Variants in ZDHHC11 observed in about 807,000 individuals in gnomAD.
ZDHHC11 encodes the protein zDHHC palmitoyltransferase 11.
In ZDHHC11, 44 loss-of-function variants were observed where a neutral mutation model predicts 51.3. The observed-to-expected ratio is 0.86, with a 90% CI of 0.67 to 1.10. The LOEUF is 1.10. Ranked by LOEUF, ZDHHC11 falls within the 50% of genes least tolerant of loss-of-function variation. The probability of loss-of-function intolerance (pLI) is 0.00; values close to 1 mark genes in which losing one functional copy is unlikely to be tolerated. For synonymous variants in ZDHHC11, 163 were observed against 222.0 expected (o/e 0.73, Z 2.36); for missense variants, 400 against 537.7 (o/e 0.74, Z 2.53).
At chr5:813,717 G>C (rs1184218415) in intron 11 of ZDHHC11, among the ~76,000 whole-genome samples, 1 of 149,054 alleles carries the variant, frequency 6.7e-6, no homozygotes, top group African/African-American at 2.5e-5. Context: ...CAGAGAGCAC[G>C]GGGCTGTTCT....
chr5:859,951 T>C (rs1175665924), upstream of ZDHHC11, among the ~76,000 whole-genome samples: 1 of 152,096 alleles, frequency 6.6e-6, no homozygotes. Flanking sequence ...GGATGCACCC[T>C]TTCTGTTAGC....
chr5:805,445 A>G (rs1295081162), intron 11 of ZDHHC11, among the ~76,000 whole-genome samples: 28 of 150,934 alleles, frequency 1.9e-4, no homozygotes, highest in South Asian at 8.4e-4. Flanking sequence ...AAAAATCTAC[A>G]TTGGTATTCA....
chr5:833,390 G>A (rs1743319644), intron 7 of ZDHHC11, among the ~76,000 whole-genome samples: 1 of 151,406 alleles, frequency 6.6e-6, no homozygotes, highest in Non-Finnish European at 1.5e-5. Context: ...ACTCAGGAAT[G>A]GGTTGGACTC....
intron 11 of ZDHHC11, among the ~76,000 whole-genome samples, chr5:806,980 A>C (rs888809909): frequency 3.3e-4 from 50 of 151,170 alleles, no homozygotes; most frequent in Non-Finnish European, 5.9e-4. Flanking sequence ...CACCACTAGG[A>C]ATAGCCCCGG....
intron 11 of ZDHHC11, among the ~76,000 whole-genome samples, chr5:806,518 C>T (rs1487440274): frequency 6.6e-6 from 1 of 150,908 alleles, no homozygotes; most frequent in Admixed American, 6.6e-5. Context: ...ATTACTTATA[C>T]AATATGTATA....
chr5:858,878 A>G (rs1485429500), exon 1 of ZDHHC11, among the ~76,000 whole-genome samples: 2 of 152,068 alleles, frequency 1.3e-5, no homozygotes, highest in African/African-American at 4.8e-5. Context: ...CCTTACCGCC[A>G]GAACCCACAG....
chr5:849,738 CAGG>C (rs1018194166), intron 1 of ZDHHC11: 30 of 152,820 alleles, frequency 2.0e-4, no homozygotes, highest in African/African-American at 6.7e-4. Context: ...CCCCTGGAGC[CAGG>C]AGAAGCTGGG....
Position 850,310 on chromosome 5 carries a change from C to T in ZDHHC11, c.222+71G>A. 2.0e-6 allele frequency: 3 copies of T among 1,531,394 alleles called. No individual in the cohort carries two copies. The South Asian group carries it at 3.7e-5, about 19-fold the overall frequency. The allele number at this position is 1,531,394 out of a possible 1,614,324, so 94.9% of individuals were successfully genotyped here. A position where few individuals can be genotyped will look rare whatever the true frequency, so the allele number is the denominator to read the frequency against. On this transcript the variant is annotated intron_variant, in intron 1 of 12. Coordinates refer to ENST00000283441, the MANE Select transcript of ZDHHC11 (RefSeq NM_024786.3). ...CACCGGGCAGCCATGGCCCAGACCC[C>T]ACAGCCAGGTCCATCGCAAGTTCCT...
At chr5:851,558 G>A (rs973587435), upstream of ZDHHC11, among the ~76,000 whole-genome samples, 11 of 152,248 alleles carry the variant, frequency 7.2e-5, no homozygotes, top group African/African-American at 2.7e-4. Context: ...TCTTTGAGAA[G>A]AGAGACATTG....
chr5:798,756 C>T (rs1195914653), intron 12 of ZDHHC11, among the ~76,000 whole-genome samples: 7 of 146,356 alleles, frequency 4.8e-5, no homozygotes, highest in Non-Finnish European at 3.0e-5. Flanking sequence ...GTTATCACAG[C>T]GAACATTTGC....
intron 4 of ZDHHC11, chr5:841,976 C>G (rs1422559224): frequency 1.0e-6 from 1 of 989,072 alleles, no homozygotes; most frequent in Non-Finnish European, 1.2e-6. Flanking sequence ...GTGCCTGGGC[C>G]GGGCTGGACC....
At chr5:852,278 C>T (rs930431925), upstream of ZDHHC11, among the ~76,000 whole-genome samples, 10 of 152,214 alleles carry the variant, frequency 6.6e-5, no homozygotes, top group East Asian at 1.9e-3. Flanking sequence ...AGGGGAATCG[C>T]TCAGCGGCCT....
At position 849,118 on chromosome 5, in the gene ZDHHC11, A is replaced by G. The variant is rs141823542; in HGVS notation, c.223-458T>C. The stretch of plus-strand genomic sequence containing the variant: ...AGATGAGTCCACCCGTCGGCCCTGC[A>G]CACACAGCCCTGCTTACCCAGGCCT... On this transcript the variant is annotated intron_variant, in intron 1 of 12. Transcript: ENST00000283441. Among the ~76,000 whole-genome samples, 829 of 151,970 alleles carry G rather than the reference A, an allele frequency of 5.5e-3. 7 individuals carry two copies. Among genetic ancestry groups the G allele is most frequent in the African/African-American group, 0.019 (803 of 41,422 alleles).
intron 6 of ZDHHC11, among the ~76,000 whole-genome samples, chr5:837,001 G>C (rs1743954327): frequency 6.6e-6 from 1 of 151,506 alleles, no homozygotes; most frequent in Non-Finnish European, 1.5e-5. Context: ...AGGCTACAAT[G>C]AGCTGAGATT....
In ZDHHC11 at chr5:850,658, C is replaced by A; in HGVS notation, c.-56G>T. The stretch of plus-strand genomic sequence containing the variant: ...CGTCAGATCCTGGGAGGGCCGGCCC[C>A]GCCCACTGTCACAGAGACCAAGGGG... On this transcript the variant is annotated 5_prime_UTR_variant, in exon 1 of 13. Coordinates refer to ENST00000283441, the MANE Select transcript of ZDHHC11 (RefSeq NM_024786.3). 1 of 1,593,354 alleles carries A rather than the reference C, an allele frequency of 6.3e-7. No individual in the cohort carries two copies. The highest frequency in any genetic ancestry group is 8.6e-7 in the Non-Finnish European group (1 of 1,168,312).
chr5:847,850 T>C, intron 2 of ZDHHC11: 1 of 572,164 alleles, frequency 1.7e-6, no homozygotes. Context: ...GCTGTGTCTT[T>C]GGCCGCCCTG....
intron 3 of ZDHHC11, among the ~76,000 whole-genome samples, chr5:846,468 C>CG (rs1746175951): frequency 1.3e-5 from 2 of 150,906 alleles, no homozygotes; most frequent in African/African-American, 4.9e-5. Context: ...AAACACCTCT[C>CG]ATCTATGAGC....
chr5:853,059 CCAGG>C (rs1747524856), upstream of ZDHHC11, among the ~76,000 whole-genome samples: 1 of 134,398 alleles, frequency 7.4e-6, no homozygotes, highest in Non-Finnish European at 1.6e-5. Flanking sequence ...GGACAGCGAG[CCAGG>C]TGGACAGACC....
intron 6 of ZDHHC11, among the ~76,000 whole-genome samples, chr5:834,157 CTG>C (rs1743453844): frequency 6.6e-6 from 1 of 152,276 alleles, no homozygotes; most frequent in African/African-American, 2.4e-5. Flanking sequence ...TCGGTGGTGT[CTG>C]TCTTGTTGAT....
Sources: allele counts gnomAD v4.1 joint callset (sites outside exome capture counted in the v4.1 genomes callset), GRCh38; gene constraint gnomAD v4.1.1; transcripts MANE v1.5; gene names NCBI Gene and HGNC (gene_info 2026-07-23, HGNC 2026-07-21).